The following DENND1A variants were observed in gnomAD, a reference collection of about 807,000 sequenced individuals.
DENND1A encodes DENN domain-containing protein 1A.
Under a neutral mutation model 113.7 loss-of-function variants are expected in DENND1A, and 51 were observed. The ratio of observed to expected loss-of-function variants is 0.45; its 90% CI spans 0.36 to 0.57. The LOEUF (loss-of-function observed/expected upper bound fraction) is 0.57, where lower values mean the gene tolerates loss of function less well. Ranked by LOEUF, DENND1A falls within the 20% of genes least tolerant of loss-of-function variation. DENND1A has a pLI of 0.00. For missense variants in DENND1A, 1,258 were observed against 1,395.9 expected, an observed-to-expected ratio of 0.90 and a Z score of 1.57; for synonymous variants, 565 against 570.8, an observed-to-expected ratio of 0.99 and a Z score of 0.14.
At chr9:123,740,899 T>TGAGACAGAGA (rs1554727813) in intron 5 of DENND1A, among the ~76,000 whole-genome samples, 1 of 108,870 alleles carries the variant, frequency 9.2e-6, no homozygotes, top group Non-Finnish European at 1.8e-5. Context: ...GAAGGGAAAG[T>TGAGACAGAGA]GAGAGAGAGA....
At chr9:123,774,063 A>G (rs973675945) in intron 3 of DENND1A, among the ~76,000 whole-genome samples, 2 of 152,162 alleles carry the variant, frequency 1.3e-5, no homozygotes, top group African/African-American at 4.8e-5. Context: ...TGGGTTTCTT[A>G]TATCTAATTT....
chr9:123,511,543 G>A (rs1168664838), intron 13 of DENND1A, among the ~76,000 whole-genome samples: 2 of 152,238 alleles, frequency 1.3e-5, no homozygotes, highest in Non-Finnish European at 2.9e-5. Flanking sequence ...GGCTGAGGAT[G>A]GTGAAGTTAG....
intron 2 of DENND1A, among the ~76,000 whole-genome samples, chr9:123,823,191 A>G (rs1226589942): frequency 6.6e-6 from 1 of 152,224 alleles, no homozygotes; most frequent in African/African-American, 2.4e-5. Flanking sequence ...GGTAAACGCA[A>G]AAAAGAAAAA....
chr9:123,711,511 A>ATG lies in DENND1A; in HGVS notation c.303-34724_303-34723dup, dbSNP rs1257867372. Among the ~76,000 whole-genome samples the ATG allele has an allele frequency of 1.4e-3, 113 of 79,038 alleles. 2 individuals are homozygous for ATG. In the East Asian group the frequency reaches 0.038, roughly 27 times the overall value. The allele number at this position is 79,038 out of a possible 152,430, so 51.9% of individuals were successfully genotyped here. ...AATATATATATATATATATGTATATATGTATATATATATATATATATATAT... is the reference window on the plus strand; with the variant it reads ...AATATATATATATATATATGTATATATGTGTATATATATATATATATATATAT... On this transcript the variant is annotated intron_variant, in intron 5 of 23. Coordinates refer to ENST00000394215, the MANE Select transcript of DENND1A (RefSeq NM_001352964.2).
intron 20 of DENND1A, among the ~76,000 whole-genome samples, chr9:123,407,110 G>A (rs1288805429): frequency 6.7e-6 from 1 of 149,290 alleles, no homozygotes; most frequent in Non-Finnish European, 1.5e-5. Context: ...CAGCGGGATC[G>A]GTGGAGGAGA....
intron 5 of DENND1A, among the ~76,000 whole-genome samples, chr9:123,727,106 C>G (rs2067764880): frequency 6.6e-6 from 1 of 152,220 alleles, no homozygotes. Context: ...TACCTTCTCT[C>G]TACTTGGCTA....
chr9:123,548,019 G>A (rs1322862929), intron 13 of DENND1A, among the ~76,000 whole-genome samples: 1 of 152,182 alleles, frequency 6.6e-6, no homozygotes, highest in Non-Finnish European at 1.5e-5. Flanking sequence ...AGAAAAGTGA[G>A]TCTCAGGATG....
At chr9:123,680,037 C>A (rs1033669257) in intron 5 of DENND1A, among the ~76,000 whole-genome samples, 2 of 152,148 alleles carry the variant, frequency 1.3e-5, no homozygotes, top group Non-Finnish European at 2.9e-5. Context: ...CAGAAAGAGA[C>A]ACACCCACAA....
intron 13 of DENND1A, among the ~76,000 whole-genome samples, chr9:123,469,742 G>A (rs1323116623): frequency 6.6e-6 from 1 of 152,190 alleles, no homozygotes; most frequent in African/African-American, 2.4e-5. Flanking sequence ...AACCAGCACT[G>A]GGTGGTTTTA....
chr9:123,597,007 AT>A (rs2059724120), intron 11 of DENND1A, among the ~76,000 whole-genome samples: 1 of 152,222 alleles, frequency 6.6e-6, no homozygotes, highest in African/African-American at 2.4e-5. Context: ...TAGAACTTGA[AT>A]TTAAGAGTTT....
intron 5 of DENND1A, among the ~76,000 whole-genome samples, chr9:123,699,698 T>C (rs866075508): frequency 1.2e-4 from 17 of 142,080 alleles, no homozygotes; most frequent in East Asian, 7.8e-4. Context: ...CTTTTTTTTT[T>C]TTTTTTTTTT....
chr9:123,903,926 G>T (rs1278361166), intron 1 of DENND1A, among the ~76,000 whole-genome samples: 3 of 152,254 alleles, frequency 2.0e-5, no homozygotes, highest in Non-Finnish European at 4.4e-5. Context: ...GAAGGGCACA[G>T]ACAAACAAAA....
chr9:123,489,068 T>C (rs997755988), intron 13 of DENND1A, among the ~76,000 whole-genome samples: 2 of 152,016 alleles, frequency 1.3e-5, no homozygotes, highest in African/African-American at 2.4e-5. Context: ...CTCTTCCCTC[T>C]GTTACACACA....
intron 2 of DENND1A, among the ~76,000 whole-genome samples, chr9:123,833,331 C>T (rs1840564901): frequency 6.6e-6 from 1 of 151,884 alleles, no homozygotes; most frequent in African/African-American, 2.4e-5. Context: ...CCTGTTTGTT[C>T]CTGTTTTTCA....
intron 2 of DENND1A, among the ~76,000 whole-genome samples, chr9:123,846,510 T>C (rs1391259286): frequency 2.0e-5 from 3 of 152,192 alleles, no homozygotes; most frequent in Non-Finnish European, 4.4e-5. Flanking sequence ...TGGATAAATA[T>C]TCAGCCATAA....
chr9:123,665,941 A>G (rs2063474259), intron 8 of DENND1A, among the ~76,000 whole-genome samples: 1 of 152,356 alleles, frequency 6.6e-6, no homozygotes, highest in African/African-American at 2.4e-5. Context: ...GCTAAGTGAA[A>G]TAACTCAGAA....
At chr9:123,416,086 C>T (rs1356381378) in intron 19 of DENND1A, among the ~76,000 whole-genome samples, 1 of 152,206 alleles carries the variant, frequency 6.6e-6, no homozygotes, top group African/African-American at 2.4e-5. Flanking sequence ...AATGTAGGGA[C>T]TACAACAGTG....
Position 123,825,408 on chromosome 9 carries a change from A to G in DENND1A, c.89-32778T>C, listed in dbSNP as rs72757142. ...TCAAGCTGGTGACACCCATTCTGTA[A>G]TGGATGCTGATCTTACTAGGGGGTG... On this transcript the variant is annotated intron_variant, in intron 2 of 23. Coordinates refer to ENST00000394215, the MANE Select transcript of DENND1A (RefSeq NM_001352964.2). Among the ~76,000 whole-genome samples the G allele has an allele frequency of 7.4e-3, 1,129 of 152,256 alleles. 10 individuals are homozygous for G. The highest frequency in any genetic ancestry group is 0.024 in the Middle Eastern group (7 of 292).
intron 1 of DENND1A, among the ~76,000 whole-genome samples, chr9:123,886,446 C>T (rs940445271): frequency 6.6e-6 from 1 of 152,188 alleles, no homozygotes; most frequent in Admixed American, 6.5e-5. Flanking sequence ...TTCAAAACTT[C>T]AAACCAGCTT....
Sources: allele counts gnomAD v4.1 joint callset (sites outside exome capture counted in the v4.1 genomes callset), GRCh38; gene constraint gnomAD v4.1.1; transcripts MANE v1.5; gene names NCBI Gene and HGNC (gene_info 2026-07-23, HGNC 2026-07-21).